OSBP2: variants seen among roughly 807,000 people sequenced by gnomAD.
The protein encoded by OSBP2 is oxysterol-binding protein 2.
Under a neutral mutation model 96.0 loss-of-function variants are expected in OSBP2, and 66 were observed. That is an observed-to-expected ratio of 0.69 (90% CI 0.56 to 0.84). The LOEUF is 0.84. Among genes scored for constraint, OSBP2 ranks in the 40% least tolerant of loss-of-function variants. The pLI, the probability that OSBP2 is intolerant of heterozygous loss-of-function variation, is 0.00. For missense variants in OSBP2, 1,038 were observed against 1,222.7 expected (o/e 0.85, Z 2.25); for synonymous variants, 525 against 520.9 (o/e 1.01, Z -0.11).
intron 2 of OSBP2, among the ~76,000 whole-genome samples, chr22:30,828,323 A>G (rs1249877534): frequency 6.6e-6 from 1 of 152,204 alleles, no homozygotes; most frequent in Non-Finnish European, 1.5e-5. Context: ...CGTAGGGCAC[A>G]TAGTGTCCAC....
At chr22:30,697,678 G>C (rs2089072000) in intron 1 of OSBP2, among the ~76,000 whole-genome samples, 1 of 152,226 alleles carries the variant, frequency 6.6e-6, no homozygotes, top group African/African-American at 2.4e-5. Flanking sequence ...TTTGTGGGGA[G>C]GAGGGAGTGA....
At chr22:30,732,012 G>A (rs1285179183) in intron 1 of OSBP2, among the ~76,000 whole-genome samples, 1 of 152,110 alleles carries the variant, frequency 6.6e-6, no homozygotes, top group Non-Finnish European at 1.5e-5. Context: ...GAAATGTTAA[G>A]AGATACCGGT....
intron 2 of OSBP2, among the ~76,000 whole-genome samples, chr22:30,796,622 C>T (rs2090766514): frequency 6.6e-6 from 1 of 152,076 alleles, no homozygotes; most frequent in African/African-American, 2.4e-5. Context: ...TTTCATGTCT[C>T]AGCCTCCCTA....
intron 2 of OSBP2, among the ~76,000 whole-genome samples, chr22:30,786,055 G>A (rs186650308): frequency 3.4e-5 from 5 of 146,908 alleles, no homozygotes; most frequent in East Asian, 2.0e-4. Context: ...CAGAAGTCTC[G>A]CTGTGTTACC....
intron 2 of OSBP2, among the ~76,000 whole-genome samples, chr22:30,777,550 T>C (rs2090453029): frequency 6.6e-6 from 1 of 152,206 alleles, no homozygotes; most frequent in African/African-American, 2.4e-5. Flanking sequence ...GATATGTCTT[T>C]ATCAGCAGTG....
chr22:30,858,522 C>G (rs1024875132), intron 2 of OSBP2, among the ~76,000 whole-genome samples: 1 of 151,918 alleles, frequency 6.6e-6, no homozygotes, highest in African/African-American at 2.4e-5. Flanking sequence ...TGGACTCTTC[C>G]TAACCCCACA....
At chr22:30,878,588 C>G (rs575972169) in intron 3 of OSBP2, among the ~76,000 whole-genome samples, 6 of 152,300 alleles carry the variant, frequency 3.9e-5, no homozygotes, top group African/African-American at 1.4e-4. Flanking sequence ...GTGGGCAGAG[C>G]TAGCTTGCAG....
At chr22:30,812,540 T>C (rs1406495898) in intron 2 of OSBP2, among the ~76,000 whole-genome samples, 4 of 152,228 alleles carry the variant, frequency 2.6e-5, no homozygotes, top group African/African-American at 9.6e-5. Context: ...TGATGAACAA[T>C]AGATTCTTCA....
chr22:30,799,057 T>TATCC (rs1457363922), intron 2 of OSBP2, among the ~76,000 whole-genome samples: 1 of 120,258 alleles, frequency 8.3e-6, no homozygotes, highest in Non-Finnish European at 1.7e-5. Context: ...CATGCAAAGG[T>TATCC]TTCCTTCCTT....
intron 2 of OSBP2, among the ~76,000 whole-genome samples, chr22:30,842,118 T>C (rs1424144055): frequency 6.6e-6 from 1 of 152,062 alleles, no homozygotes; most frequent in Non-Finnish European, 1.5e-5. Context: ...AGCTTACTTT[T>C]GTATTTTTTG....
In OSBP2 at chr22:30,870,583, G is replaced by C. The variant is rs1437474251; in HGVS notation, c.1008G>C (p.Glu336Asp). 1 of 1,613,990 alleles carries C rather than the reference G, an allele frequency of 6.2e-7. No homozygotes were observed. Among genetic ancestry groups the C allele is most frequent in the Non-Finnish European group, 8.5e-7 (1 of 1,179,998 alleles). ...HGAALQRSLT[E>D]LDGLKIPSES... Reference sequence around the variant, plus strand: ...CTGCACTCCAGCGCTCCCTGACAGAGCTGGACGGCCTCAAGATCCCATCTG... The same window carrying C: ...CTGCACTCCAGCGCTCCCTGACAGACCTGGACGGCCTCAAGATCCCATCTG... Residue 336 changes from glutamate (E) to aspartate (D), a missense_variant, in exon 3 of 14, where the codon GAG (glutamate) becomes GAC (aspartate). Glu to Asp is a conservative substitution (Grantham distance 45). Coordinates refer to ENST00000332585, the MANE Select transcript of OSBP2 (RefSeq NM_030758.4). The surrounding 1 kb of genome is among the most constrained non-coding windows in gnomAD (Gnocchi z 4.1).
chr22:30,864,440 G>A (rs982720800), intron 2 of OSBP2, among the ~76,000 whole-genome samples: 1 of 152,096 alleles, frequency 6.6e-6, no homozygotes, highest in Non-Finnish European at 1.5e-5. Context: ...TGTGCGGCGT[G>A]GCTCAGGAGT....
chr22:30,783,302 CTTTTTTTTTT>C (rs35470453), intron 2 of OSBP2, among the ~76,000 whole-genome samples: 6 of 34,708 alleles, frequency 1.7e-4, no homozygotes, highest in African/African-American at 7.0e-4. Context: ...ATTCAGAGAG[CTTTTTTTTTT>C]TTTTTTTTTT....
intron 2 of OSBP2, among the ~76,000 whole-genome samples, chr22:30,753,393 G>A (rs1028215254): frequency 2.0e-5 from 3 of 152,174 alleles, no homozygotes; most frequent in African/African-American, 7.2e-5. Flanking sequence ...TTCAGGGACT[G>A]TGAGTGTCCT....
intron 1 of OSBP2, among the ~76,000 whole-genome samples, chr22:30,725,596 C>T (rs1467823855): frequency 6.6e-6 from 1 of 151,720 alleles, no homozygotes. Context: ...CTTTGGTATT[C>T]ACCAGTTCTA....
chr22:30,777,456 T>C (rs1392298760), intron 2 of OSBP2, among the ~76,000 whole-genome samples: 1 of 152,194 alleles, frequency 6.6e-6, no homozygotes, highest in Non-Finnish European at 1.5e-5. Flanking sequence ...GCCTTTTACC[T>C]TCCACCATGA....
upstream of OSBP2, chr22:30,694,126 G>C (rs929176044): frequency 6.5e-7 from 1 of 1,548,868 alleles, no homozygotes; most frequent in East Asian, 2.4e-5. Flanking sequence ...GATCCCGGGA[G>C]GTCCAAGTTC....
chr22:30,822,671 C>T, intron 2 of OSBP2: 1 of 1,533,948 alleles, frequency 6.5e-7, no homozygotes, highest in South Asian at 1.2e-5. Context: ...TCCGTGCGCT[C>T]CTTCTGCAGC....
chr22:30,845,154 G>A (rs943943968), intron 2 of OSBP2, among the ~76,000 whole-genome samples: 5 of 152,200 alleles, frequency 3.3e-5, no homozygotes, highest in African/African-American at 1.2e-4. Context: ...AGTTTAGCCG[G>A]GTGCAGTGAC....
Sources: gnomAD v4.1 joint callset for allele counts (sites outside exome capture counted in the v4.1 genomes callset) on GRCh38, gnomAD v4.1.1 for gene constraint, Gnocchi (gnomAD v3.1) non-coding constraint, MANE v1.5 for transcripts, NCBI Gene and HGNC (gene_info 2026-07-23, HGNC 2026-07-21) for gene names.